Variants in PIEZO1 observed in about 807,000 individuals in gnomAD.
PIEZO1 encodes the protein piezo type mechanosensitive ion channel component 1 (Er blood group).
Under a neutral mutation model 297.2 loss-of-function variants are expected in PIEZO1, and 296 were observed. The observed-to-expected ratio is 1.00, with a 90% CI of 0.91 to 1.10. The LOEUF (loss-of-function observed/expected upper bound fraction) is 1.10, where lower values mean the gene tolerates loss of function less well. Ranked by LOEUF, PIEZO1 falls within the 50% of genes least tolerant of loss-of-function variation. PIEZO1 has a pLI of 0.00. For missense variants in PIEZO1, 5,018 were observed against 3,455.5 expected (o/e 1.45, Z -11.34); for synonymous variants, 2,427 against 1,507.5 (o/e 1.61, Z -14.13).
intron 2 of PIEZO1, among the ~76,000 whole-genome samples, chr16:88,746,956 C>T (rs1906092949): frequency 6.6e-6 from 1 of 152,218 alleles, no homozygotes; most frequent in Non-Finnish European, 1.5e-5. Context: ...CCACCCACCC[C>T]AGCCATGCAT....
chr16:88,722,281 C>T lies in PIEZO1; in HGVS notation c.4892G>A (p.Arg1631His), dbSNP rs548350922. Residue 1631 changes from arginine (R) to histidine (H), a missense_variant, in exon 36 of 51, where the codon CGT (arginine) becomes CAT (histidine). Physicochemically the swap from Arg to His is conservative, Grantham distance 29. Coordinates refer to ENST00000301015, the MANE Select transcript of PIEZO1 (RefSeq NM_001142864.4). ...SEEAVTDPGE[R>H]EAGASLYQGL... ...CTGGTACAGAGAGGCACCAGCCTCACGCTCCCCGGGGTCGGTGACTGCCTC... is the reference window on the plus strand; with the variant it reads ...CTGGTACAGAGAGGCACCAGCCTCATGCTCCCCGGGGTCGGTGACTGCCTC... 1.5e-5 allele frequency: 24 copies of T among 1,548,534 alleles called. 1 individual carries two copies. The highest frequency in any genetic ancestry group is 7.1e-5 in the South Asian group (6 of 84,038).
Position 88,722,571 on chromosome 16 carries a change from C to G in PIEZO1, c.4775+12G>C, listed in dbSNP as rs1198611540. 2.0e-6 allele frequency: 3 copies of G among 1,517,974 alleles called. No individual in the cohort carries two copies. The South Asian group carries it at 3.6e-5, about 18-fold the overall frequency. The allele number at this position is 1,517,974 out of a possible 1,614,324, so 94.0% of individuals were successfully genotyped here. A position where few individuals can be genotyped will look rare whatever the true frequency, so the allele number is the denominator to read the frequency against. On this transcript the variant is annotated intron_variant, in intron 35 of 50. Transcript: ENST00000301015. ...GGGCAGCAGCTGGGGCTCGGGTCAC[C>G]CCCGCACCTACCTGGACACGGTGCT... is the stretch of plus-strand genomic sequence containing the variant.
At chr16:88,748,055 C>A (rs1322194788) in intron 2 of PIEZO1, among the ~76,000 whole-genome samples, 1 of 152,228 alleles carries the variant, frequency 6.6e-6, no homozygotes, top group Non-Finnish European at 1.5e-5. Context: ...GGGCGGCACC[C>A]AAGAGCCTGT....
In PIEZO1 at chr16:88,723,126, C is replaced by G; in HGVS notation, c.4464G>C (p.Glu1488Asp). The change falls in exon 33 of 51, where the codon GAG becomes GAC. Residue 1488 changes from glutamate (E) to aspartate (D), a missense_variant. Coordinates refer to ENST00000301015, the MANE Select transcript of PIEZO1 (RefSeq NM_001142864.4). ...CTGCCTCCTCGGGGCCCTCTGCTGG[C>G]TCCACCTCCTGGCTGGGACCACCTC... is the stretch of plus-strand genomic sequence containing the variant. ...PTGGGPSQEV[E>D]PAEGPEEAAA... 6.5e-7 allele frequency: 1 copy of G among 1,548,972 alleles called. No homozygotes were observed. The highest frequency in any genetic ancestry group is 2.4e-5 in the East Asian group (1 of 40,912).
rs550658677 is a variant in PIEZO1 at position 88,779,596 on chromosome 16, G to A, written c.64+5305C>T. The stretch of plus-strand genomic sequence containing the variant: ...CAGAGCTCTGTCCCACAGGACCGGC[G>A]TGAGAGGATGCATGAATGAATCTGA... On this transcript the variant is annotated intron_variant, in intron 1 of 50. Transcript: ENST00000301015. Among the ~76,000 whole-genome samples, 329 of 152,310 alleles carry A rather than the reference G, an allele frequency of 2.2e-3. 2 individuals carry two copies. Among genetic ancestry groups the A allele is most frequent in the African/African-American group, 7.5e-3 (313 of 41,574 alleles).
At position 88,720,371 on chromosome 16, in the gene PIEZO1, C is replaced by T. The variant is rs1233476542; in HGVS notation, c.5949+14G>A. 1.9e-5 allele frequency: 29 copies of T among 1,550,096 alleles called. No individual in the cohort carries two copies. The highest frequency in any genetic ancestry group is 5.9e-5 in the South Asian group (5 of 84,068). Reference sequence around the variant, plus strand: ...CTCTGCGTACACTGGGTTTGGGTCCCGGGCCTGGCTCACCCCAAAGGCCCA... The same window carrying T: ...CTCTGCGTACACTGGGTTTGGGTCCTGGGCCTGGCTCACCCCAAAGGCCCA... On this transcript the variant is annotated intron_variant, in intron 41 of 50. Transcript: ENST00000301015.
At position 88,723,271 on chromosome 16, in the gene PIEZO1, C is replaced by CCTG; in HGVS notation, c.4390_4392dup (p.Gln1464dup). 1.3e-6 allele frequency: 2 copies of CCTG among 1,543,164 alleles called. No homozygotes were observed. Among genetic ancestry groups the CCTG allele is most frequent in the East Asian group, 2.4e-5 (1 of 40,924 alleles). On this transcript the variant is annotated inframe_insertion, in exon 32 of 51. Coordinates refer to ENST00000301015, the MANE Select transcript of PIEZO1 (RefSeq NM_001142864.4). ...TGTTCCTGCCTTGCCTGCTCCTGCT[C>CCTG]CTGCTGCCGCCGCCTCAGCACCGCC...
At chr16:88,718,411 C>A (rs1253711085) in intron 44 of PIEZO1, 1 of 152,534 alleles carries the variant, frequency 6.6e-6, no homozygotes, top group African/African-American at 2.4e-5. Context: ...CAGACGTGTA[C>A]ACCGGCGTGC....
At chr16:88,717,870 C>G (rs1175827876) in intron 44 of PIEZO1, 3 of 424,060 alleles carry the variant, frequency 7.1e-6, no homozygotes, top group Non-Finnish European at 1.4e-5. Context: ...TGGCGGCTCA[C>G]ACTTGTCATC....
At chr16:88,742,641 G>A (rs549702943) in intron 2 of PIEZO1, 145 of 540,534 alleles carry the variant, frequency 2.7e-4, no homozygotes, top group East Asian at 6.3e-4. Context: ...TCCTCCTGGG[G>A]GTGGCAGCAG....
At chr16:88,735,894 A>G (rs930258354) in intron 12 of PIEZO1, among the ~76,000 whole-genome samples, 2 of 152,020 alleles carry the variant, frequency 1.3e-5, no homozygotes, top group African/African-American at 4.8e-5. Flanking sequence ...GCCCGTGCCA[A>G]CAGAGCCCAC....
At chr16:88,737,855 C>A in intron 8 of PIEZO1, 41 bp from the exon 9 acceptor site, 2 of 1,533,388 alleles carry the variant, frequency 1.3e-6, no homozygotes, top group South Asian at 2.4e-5. Context: ...AGCTCCACAC[C>A]CCACCCAGAG....
chr16:88,763,421 G>A (rs1288536657), intron 1 of PIEZO1, among the ~76,000 whole-genome samples: 7 of 152,206 alleles, frequency 4.6e-5, no homozygotes, highest in African/African-American at 1.7e-4. Context: ...ACTCCTGCCT[G>A]TAATCCAGCA....
chr16:88,731,625 G>C (rs556388222), intron 22 of PIEZO1, 81 bp downstream of exon 22: 12 of 1,101,454 alleles, frequency 1.1e-5, no homozygotes, highest in Non-Finnish European at 1.6e-5. Flanking sequence ...GTGGACAGGA[G>C]TCTGGGGCAG....
intron 2 of PIEZO1, 116 bp downstream of exon 2, chr16:88,749,268 C>A (rs1906256051): frequency 1.6e-6 from 1 of 616,914 alleles, no homozygotes; most frequent in South Asian, 2.5e-5. Flanking sequence ...TATTTCGGGA[C>A]CCCTCATCTT....
chr16:88,717,032 G>A lies in PIEZO1; in HGVS notation c.6651C>T (p.Gly2217=), dbSNP rs117669855. The change falls in exon 45 of 51, where the codon GGC becomes GGT. Residue 2217 remains glycine, a synonymous_variant. Coordinates refer to ENST00000301015, the MANE Select transcript of PIEZO1 (RefSeq NM_001142864.4). The stretch of plus-strand genomic sequence containing the variant: ...ACCCACACATGCTCACCTCATAGCC[G>A]CCCAGCTTCAGGGTGACGGTGACAT... ...PIDVTVTLKL[G]GYEPLFTMSA... is the part of the protein sequence containing the mutation. 6.1e-5 allele frequency: 95 copies of A among 1,550,526 alleles called. No individual in the cohort carries two copies. The highest frequency in any genetic ancestry group is 2.9e-4 in the Admixed American group (15 of 51,014).
At chr16:88,731,513 G>A (rs1011653500) in intron 22 of PIEZO1, 193 bp downstream of exon 22, 3 of 589,428 alleles carry the variant, frequency 5.1e-6, no homozygotes, top group Non-Finnish European at 9.1e-6. Context: ...AGCCTGGAGG[G>A]GGCCAGGCCG....
chr16:88,739,117 G>A (rs922239307), intron 5 of PIEZO1: 9 of 213,098 alleles, frequency 4.2e-5, no homozygotes, highest in South Asian at 1.8e-4. Flanking sequence ...TCTATACCCC[G>A]GGGGGTCTCT....
chr16:88,742,037 G>A lies in PIEZO1; in HGVS notation c.326+16C>T, dbSNP rs1003605540. The stretch of plus-strand genomic sequence containing the variant: ...AAGGGAGGCTTGCTGGTTGGGGGTG[G>A]GAGGAATGGTCTTACCTTGTGACCC... On this transcript the variant is annotated intron_variant, in intron 4 of 50. Coordinates refer to ENST00000301015, the MANE Select transcript of PIEZO1 (RefSeq NM_001142864.4). 4.6e-6 allele frequency: 7 copies of A among 1,535,674 alleles called. No individual in the cohort carries two copies. In the African/African-American group the frequency reaches 9.6e-5, roughly 21 times the overall value.
Sources: allele counts gnomAD v4.1 joint callset (sites outside exome capture counted in the v4.1 genomes callset), GRCh38; gene constraint gnomAD v4.1.1; transcripts MANE v1.5; gene names NCBI Gene and HGNC (gene_info 2026-07-23, HGNC 2026-07-21).